The following GLI3 variants were observed in gnomAD, a reference collection of about 807,000 sequenced individuals.
GLI3 encodes GLI family zinc finger 3, also known as transcription activator GLI3.
In GLI3, 20 loss-of-function variants were observed where a neutral mutation model predicts 100.8. The observed-to-expected ratio is 0.20, with a 90% CI of 0.14 to 0.29. GLI3 has a LOEUF of 0.29. GLI3 is among the 10% of genes least tolerant of loss of function. The pLI is 1.00. For synonymous variants in GLI3, 938 were observed against 860.5 expected (o/e 1.09, Z -1.58); for missense variants, 2,040 against 2,128.5 (o/e 0.96, Z 0.82).
chr7:42,036,719 T>C (rs1203450884), intron 7 of GLI3, among the ~76,000 whole-genome samples: 1 of 152,106 alleles, frequency 6.6e-6, no homozygotes, highest in African/African-American at 2.4e-5. Flanking sequence ...TTAGAAAACA[T>C]GTAAGTGTGA....
intron 3 of GLI3, among the ~76,000 whole-genome samples, chr7:42,109,214 C>A (rs1184939621): frequency 6.6e-6 from 1 of 152,222 alleles, no homozygotes; most frequent in Non-Finnish European, 1.5e-5. Context: ...TTTAATCCAA[C>A]CCCTCCTACA....
At position 41,962,419 on chromosome 7, in the gene GLI3, AG is replaced by A. The variant is rs1213839073; in HGVS notation, c.*1910del. The A allele has an allele frequency of 1.8e-4, 28 of 152,368 alleles. No homozygotes were observed. The highest frequency in any genetic ancestry group is 6.7e-4 in the African/African-American group (28 of 41,598). 9.4% of individuals were successfully genotyped at this position (152,368 alleles called of 1,614,324 possible). ...CTTGCTTTTTCAACTGAAAAGTGGT[AG>A]AGCCTCTACTTTCCTATGCTCAGAT... On this transcript the variant is annotated 3_prime_UTR_variant, in exon 15 of 15. Coordinates refer to ENST00000395925, the MANE Select transcript of GLI3 (RefSeq NM_000168.6).
At chr7:42,132,262 G>GCCACCAC in intron 3 of GLI3, among the ~76,000 whole-genome samples, 1 of 150,116 alleles carries the variant, frequency 6.7e-6, no homozygotes, top group African/African-American at 2.5e-5. Context: ...CACTACGCCC[G>GCCACCAC]GCTAATTTTT....
chr7:42,092,464 G>A (rs1785244135), intron 3 of GLI3, among the ~76,000 whole-genome samples: 1 of 152,220 alleles, frequency 6.6e-6, no homozygotes, highest in Admixed American at 6.5e-5. Flanking sequence ...CAGCTCAGAA[G>A]TGGAGACAAC....
chr7:42,120,916 T>G (rs1785981306), intron 3 of GLI3, among the ~76,000 whole-genome samples: 1 of 152,216 alleles, frequency 6.6e-6, no homozygotes, highest in Non-Finnish European at 1.5e-5. Flanking sequence ...GAGTGCTAAA[T>G]AGGCACATGT....
chr7:42,073,290 G>A (rs1018309351), intron 4 of GLI3, among the ~76,000 whole-genome samples: 1 of 152,178 alleles, frequency 6.6e-6, no homozygotes, highest in Non-Finnish European at 1.5e-5. Flanking sequence ...AATAAGCAGG[G>A]CAAGCTGAAG....
chr7:42,013,896 CA>C (rs1788687727), intron 10 of GLI3, among the ~76,000 whole-genome samples: 1 of 152,186 alleles, frequency 6.6e-6, no homozygotes, highest in South Asian at 2.1e-4. Context: ...AGGCAAGACA[CA>C]GAGGTTCCAT....
At chr7:42,173,041 A>G (rs1026561099) in intron 2 of GLI3, among the ~76,000 whole-genome samples, 1 of 152,168 alleles carries the variant, frequency 6.6e-6, no homozygotes, top group Non-Finnish European at 1.5e-5. Flanking sequence ...CACTGAGCAC[A>G]CTGTAGACCT....
chr7:42,034,841 T>C (rs1352506973), intron 7 of GLI3, among the ~76,000 whole-genome samples: 2 of 152,154 alleles, frequency 1.3e-5, no homozygotes, highest in Admixed American at 6.5e-5. Context: ...CTTTTGCTCA[T>C]TCATTCGTTT....
intron 14 of GLI3, 68 bp downstream of exon 14, chr7:41,967,527 TG>T (rs1415550748): frequency 1.0e-5 from 11 of 1,057,636 alleles, no homozygotes; most frequent in Non-Finnish European, 1.4e-5. Context: ...AACATAAAAC[TG>T]AGGGCCTGCA....
At chr7:42,053,317 G>A (rs1293160322) in intron 4 of GLI3, among the ~76,000 whole-genome samples, 2 of 152,186 alleles carry the variant, frequency 1.3e-5, no homozygotes, top group African/African-American at 4.8e-5. Flanking sequence ...GTTTTTAACT[G>A]GAAAGCAAAT....
At chr7:42,020,593 T>C (rs926968513) in intron 10 of GLI3, among the ~76,000 whole-genome samples, 3 of 152,176 alleles carry the variant, frequency 2.0e-5, no homozygotes, top group African/African-American at 7.2e-5. Flanking sequence ...CTTGGTTGTA[T>C]GTGGCATGAA....
intron 2 of GLI3, among the ~76,000 whole-genome samples, chr7:42,193,097 A>T (rs1787860654): frequency 6.6e-6 from 1 of 152,220 alleles, no homozygotes; most frequent in Non-Finnish European, 1.5e-5. Context: ...ACTCAGCTCC[A>T]GAGTTTTTAA....
At position 41,965,590 on chromosome 7, in the gene GLI3, C is replaced by G; in HGVS notation, c.3483G>C (p.Gln1161His). ...CGCTTCCGGAGCTGACTTCGTTCCA[C>G]TGAATGGGCAGGTCGGTTTTGCTGC... The part of the protein sequence containing the change: ...PEGSKTDLPI[Q>H]WNEVSSGSAD... The change falls in exon 15 of 15, where the codon CAG (glutamine) becomes CAC (histidine). Residue 1161 changes from glutamine (Q) to histidine (H), a missense_variant. Gln to His is a conservative substitution (Grantham distance 24). Coordinates refer to ENST00000395925, the MANE Select transcript of GLI3 (RefSeq NM_000168.6). 6.2e-7 allele frequency: 1 copy of G among 1,606,194 alleles called. No individual in the cohort carries two copies. The highest frequency in any genetic ancestry group is 8.5e-7 in the Non-Finnish European group (1 of 1,173,676).
chr7:42,088,050 A>C (rs1785141810), intron 3 of GLI3, among the ~76,000 whole-genome samples: 1 of 152,226 alleles, frequency 6.6e-6, no homozygotes, highest in South Asian at 2.1e-4. Flanking sequence ...TTAGAAAGAA[A>C]AAAATCCACT....
At chr7:42,054,056 T>G (rs116809308) in intron 4 of GLI3, among the ~76,000 whole-genome samples, 1 of 152,190 alleles carries the variant, frequency 6.6e-6, no homozygotes, top group Non-Finnish European at 1.5e-5. Context: ...TTCCAAGACA[T>G]TGGAGACCTA....
At chr7:42,180,533 G>A (rs1787571630) in intron 2 of GLI3, among the ~76,000 whole-genome samples, 1 of 152,206 alleles carries the variant, frequency 6.6e-6, no homozygotes, top group African/African-American at 2.4e-5. Context: ...GACAAATCAG[G>A]TGACACAGGC....
intron 10 of GLI3, among the ~76,000 whole-genome samples, chr7:42,017,847 A>T (rs1419986809): frequency 6.6e-6 from 1 of 152,192 alleles, no homozygotes; most frequent in Admixed American, 6.5e-5. Context: ...ACAATGAGAG[A>T]CTGAGTGACC....
chr7:41,975,890 AAT>A (rs1450439213), intron 12 of GLI3, among the ~76,000 whole-genome samples: 1 of 152,246 alleles, frequency 6.6e-6, no homozygotes, highest in Admixed American at 6.5e-5. Context: ...AAATCTATGA[AAT>A]ATATGAAATA....
Sources: allele counts gnomAD v4.1 joint callset (sites outside exome capture counted in the v4.1 genomes callset), GRCh38; gene constraint gnomAD v4.1.1; transcripts MANE v1.5; gene names NCBI Gene and HGNC (gene_info 2026-07-23, HGNC 2026-07-21).